The following LDLRAD4 variants were observed in gnomAD, a reference collection of about 807,000 sequenced individuals.
The protein encoded by LDLRAD4 is low density lipoprotein receptor class A domain containing 4, also known as low-density lipoprotein receptor class A domain-containing protein 4.
LDLRAD4 carries 5 observed loss-of-function variants against 17.0 expected under a neutral mutation model. That is an observed-to-expected ratio of 0.29 (90% CI 0.15 to 0.62). LDLRAD4 has a LOEUF of 0.62. LDLRAD4 is among the 20% of genes least tolerant of loss of function. LDLRAD4 has a pLI of 0.84. For missense variants in LDLRAD4, 340 were observed against 424.7 expected (o/e 0.80, Z 1.75); for synonymous variants, 168 against 171.8 (o/e 0.98, Z 0.17).
At chr18:13,357,065 T>C (rs1440181525) in intron 1 of LDLRAD4, among the ~76,000 whole-genome samples, 1 of 151,900 alleles carries the variant, frequency 6.6e-6, no homozygotes, top group Non-Finnish European at 1.5e-5. Context: ...ACCCAGGAGG[T>C]GGAGGTTGCA....
chr18:13,597,150 T>C (rs995822300), intron 3 of LDLRAD4, among the ~76,000 whole-genome samples: 9 of 152,208 alleles, frequency 5.9e-5, no homozygotes, highest in Admixed American at 5.2e-4. Flanking sequence ...GGTCTTTATT[T>C]AGTCTTAACT....
At chr18:13,425,175 G>T (rs2089828075) in intron 2 of LDLRAD4, among the ~76,000 whole-genome samples, 1 of 152,142 alleles carries the variant, frequency 6.6e-6, no homozygotes, top group Non-Finnish European at 1.5e-5. Flanking sequence ...TTAATTATAT[G>T]ATTTATTGAT....
chr18:13,552,398 G>T (rs180764107), intron 3 of LDLRAD4, among the ~76,000 whole-genome samples: 1 of 152,178 alleles, frequency 6.6e-6, no homozygotes, highest in African/African-American at 2.4e-5. Context: ...TATGCCTCCC[G>T]ATCTCCTCTG....
At chr18:13,366,855 A>G (rs968503869) in intron 1 of LDLRAD4, among the ~76,000 whole-genome samples, 2 of 152,200 alleles carry the variant, frequency 1.3e-5, no homozygotes, top group Non-Finnish European at 2.9e-5. Context: ...CTTAATTATT[A>G]AAGAACAAAG....
chr18:13,367,404 G>A lies in LDLRAD4; in HGVS notation c.-382-19937G>A, dbSNP rs565592624. On this transcript the variant is annotated intron_variant, in intron 1 of 5. Coordinates refer to ENST00000359446, the Ensembl canonical transcript of LDLRAD4. This position sits in a 1 kb window ranked among gnomAD's most constrained non-coding sequence, Gnocchi z 4.1. ...TGGCAGGCAGGAAAGGGGGCGAGGG[G>A]GTCTCAGGCATTGAACTGCGTGGGG... Among the ~76,000 whole-genome samples, 5 of 152,262 alleles carry A rather than the reference G, an allele frequency of 3.3e-5. No homozygotes were observed. Among genetic ancestry groups the A allele is most frequent in the African/African-American group, 1.2e-4 (5 of 41,554 alleles).
At chr18:13,450,337 C>CCCA (rs367571092) in intron 3 of LDLRAD4, among the ~76,000 whole-genome samples, 4,235 of 115,376 alleles carry the variant, frequency 0.037, 276 homozygotes, top group South Asian at 0.068. Context: ...CCCCCCCCCC[C>CCCA]AAAAAAACAC....
At chr18:13,609,530 C>CGTGTGTGTGTGT (rs72225166) in intron 3 of LDLRAD4, among the ~76,000 whole-genome samples, 2 of 149,440 alleles carry the variant, frequency 1.3e-5, no homozygotes, top group African/African-American at 5.0e-5. Flanking sequence ...TGTGTGTGTG[C>CGTGTGTGTGTGT]GTGTGTGTGT....
chr18:13,591,498 G>A (rs530838582), intron 3 of LDLRAD4, among the ~76,000 whole-genome samples: 4 of 152,148 alleles, frequency 2.6e-5, no homozygotes, highest in Admixed American at 1.3e-4. Flanking sequence ...GGAAGACCGC[G>A]ACAGAATGTT....
At chr18:13,497,177 A>G (rs970098557) in intron 3 of LDLRAD4, among the ~76,000 whole-genome samples, 2 of 152,122 alleles carry the variant, frequency 1.3e-5, no homozygotes, top group Non-Finnish European at 2.9e-5. Context: ...TTCAACTTAA[A>G]GAAGGGTTCT....
exon 6 of LDLRAD4, chr18:13,651,086 G>GT (rs1044077323): frequency 6.6e-6 from 1 of 152,204 alleles, no homozygotes; most frequent in African/African-American, 2.4e-5. Flanking sequence ...GAAAAATGTT[G>GT]TTTTTCAACT....
intron 1 of LDLRAD4, among the ~76,000 whole-genome samples, chr18:13,219,825 T>A (rs2041354257): frequency 6.6e-6 from 1 of 152,226 alleles, no homozygotes; most frequent in Non-Finnish European, 1.5e-5. Context: ...ACAGAGAAGG[T>A]TCTGCAAAGT....
intron 3 of LDLRAD4, chr18:13,561,741 T>C (rs957460647): frequency 2.0e-5 from 3 of 152,224 alleles, no homozygotes; most frequent in Non-Finnish European, 4.4e-5. Context: ...TTGTGGGATA[T>C]GGAGCATTAA....
chr18:13,305,947 T>C (rs1387002786), intron 1 of LDLRAD4, among the ~76,000 whole-genome samples: 1 of 151,980 alleles, frequency 6.6e-6, no homozygotes, highest in Non-Finnish European at 1.5e-5. Flanking sequence ...GCAAAAGAAA[T>C]GCAAAGGATC....
chr18:13,643,395 C>T lies in LDLRAD4; in HGVS notation c.373C>T (p.Arg125Trp), dbSNP rs752629572. 11 of 1,171,592 alleles carry T rather than the reference C, an allele frequency of 9.4e-6. No homozygotes were observed. The Admixed American group carries it at 2.2e-4, about 23-fold the overall frequency. 72.6% of individuals were successfully genotyped at this position (1,171,592 alleles called of 1,614,324 possible). ...GTGGCCTTCAGACAGCGCCGCACCG[C>T]GGCTGGGCGCCTCGGAGGTAAGGGG... Residue 125 changes from arginine (R) to tryptophan (W), a missense_variant, in exon 5 of 6, where the codon CGG becomes TGG. Transcript: ENST00000359446.
chr18:13,649,893 A>G (rs959136951), exon 6 of LDLRAD4: 4 of 396,670 alleles, frequency 1.0e-5, no homozygotes, highest in African/African-American at 6.2e-5. Context: ...CTGACCAAGA[A>G]TGCCGCGTGC....
chr18:13,318,364 C>T (rs184583116), intron 1 of LDLRAD4, among the ~76,000 whole-genome samples: 169 of 152,198 alleles, frequency 1.1e-3, no homozygotes, highest in Middle Eastern at 6.8e-3. Context: ...CGAGTTCAAG[C>T]GATTCTCGTG....
At chr18:13,309,779 C>T (rs1192908454) in intron 1 of LDLRAD4, among the ~76,000 whole-genome samples, 1 of 152,030 alleles carries the variant, frequency 6.6e-6, no homozygotes, top group African/African-American at 2.4e-5. Flanking sequence ...GAGAGAGGGC[C>T]TTCAGTGACT....
chr18:13,321,241 C>A (rs1322817883), intron 1 of LDLRAD4, among the ~76,000 whole-genome samples: 1 of 152,188 alleles, frequency 6.6e-6, no homozygotes, highest in Non-Finnish European at 1.5e-5. Flanking sequence ...CCTGCATCTC[C>A]CCCAGAGGCC....
At chr18:13,529,776 C>G (rs1628484) in intron 3 of LDLRAD4, among the ~76,000 whole-genome samples, 150,121 of 152,362 alleles carry the variant, frequency 0.99, 73,994 homozygotes, top group East Asian at 1. Context: ...GTTCTGATGT[C>G]CTTAAACTTG....
Sources: allele counts gnomAD v4.1 joint callset (sites outside exome capture counted in the v4.1 genomes callset), GRCh38; gene constraint gnomAD v4.1.1; non-coding constraint Gnocchi (gnomAD v3.1); transcripts MANE v1.5; gene names NCBI Gene and HGNC (gene_info 2026-07-23, HGNC 2026-07-21).